The following ANKRD13C variants were observed in gnomAD, a reference collection of about 807,000 sequenced individuals.
ANKRD13C encodes ankyrin repeat domain 13C.
Under a neutral mutation model 65.5 loss-of-function variants are expected in ANKRD13C, and 16 were observed. That is an observed-to-expected ratio of 0.24 (90% confidence interval 0.17 to 0.37). ANKRD13C has a LOEUF of 0.37. Ranked by LOEUF, ANKRD13C falls within the 10% of genes least tolerant of loss-of-function variation. The pLI, the probability that ANKRD13C is intolerant of heterozygous loss-of-function variation, is 1.00. For synonymous variants in ANKRD13C, 235 were observed against 238.7 expected, an observed-to-expected ratio of 0.98 and a Z score of 0.14; for missense variants, 503 against 655.9, an observed-to-expected ratio of 0.77 and a Z score of 2.55.
At chr1:70,268,756 G>A (rs1005419897) in intron 12 of ANKRD13C, among the ~76,000 whole-genome samples, 1 of 152,148 alleles carries the variant, frequency 6.6e-6, no homozygotes, top group Non-Finnish European at 1.5e-5. Context: ...TTTAGTCTTT[G>A]AGCAAAATGA....
intron 1 of ANKRD13C, among the ~76,000 whole-genome samples, chr1:70,351,318 T>C (rs1213678089): frequency 1.3e-5 from 2 of 152,258 alleles, no homozygotes; most frequent in African/African-American, 4.8e-5. Context: ...GGCTCTGCTA[T>C]GTACCTGTAT....
chr1:70,287,387 C>CA (rs145676593), intron 9 of ANKRD13C, among the ~76,000 whole-genome samples: 31,512 of 147,542 alleles, frequency 0.21, 3,408 homozygotes, highest in Non-Finnish European at 0.25. Context: ...GCATCCAAGG[C>CA]AAAAAAAAAA....
intron 7 of ANKRD13C, among the ~76,000 whole-genome samples, chr1:70,299,968 G>T (rs1680274343): frequency 6.6e-6 from 1 of 152,138 alleles, no homozygotes; most frequent in African/African-American, 2.4e-5. Flanking sequence ...CAAAGATATG[G>T]CATGAGAGAA....
At chr1:70,343,076 C>A (rs1682383153) in intron 1 of ANKRD13C, among the ~76,000 whole-genome samples, 1 of 152,078 alleles carries the variant, frequency 6.6e-6, no homozygotes, top group African/African-American at 2.4e-5. Flanking sequence ...ATGAAACCTT[C>A]CATTACAAGT....
chr1:70,343,759 A>G (rs1682410735), intron 1 of ANKRD13C, among the ~76,000 whole-genome samples: 1 of 152,136 alleles, frequency 6.6e-6, no homozygotes, highest in African/African-American at 2.4e-5. Context: ...GCAGGTCTCA[A>G]ATTCCTAGCC....
intron 5 of ANKRD13C, among the ~76,000 whole-genome samples, chr1:70,306,679 T>G (rs917658777): frequency 6.6e-6 from 1 of 152,108 alleles, no homozygotes; most frequent in Non-Finnish European, 1.5e-5. Context: ...TTTGGAAAAA[T>G]TGCAGTAAAG....
At chr1:70,265,198 T>C (rs890195224) in intron 12 of ANKRD13C, among the ~76,000 whole-genome samples, 2 of 152,056 alleles carry the variant, frequency 1.3e-5, no homozygotes, top group Non-Finnish European at 2.9e-5. Context: ...TTTTGGCAGA[T>C]GTAGTGAGAA....
rs759067335 is a variant in ANKRD13C at position 70,306,194 on chromosome 1, T to C, written c.776+30A>G. On this transcript the variant is annotated intron_variant, in intron 6 of 12. Coordinates refer to ENST00000370944, the MANE Select transcript of ANKRD13C (RefSeq NM_030816.5). ...ATCTTCCTCTAAATCTCAACTTTCT[T>C]TTACTGAGAAAAAAATCAAATCACC... is the stretch of plus-strand genomic sequence containing the variant. The C allele has an allele frequency of 1.3e-5, 19 of 1,481,730 alleles. No homozygotes were observed. The South Asian group carries it at 2.4e-4, about 19-fold the overall frequency. The allele number at this position is 1,481,730 out of a possible 1,614,324, so 91.8% of individuals were successfully genotyped here. A position where few individuals can be genotyped will look rare whatever the true frequency, so the allele number is the denominator to read the frequency against.
At chr1:70,309,723 A>T (rs1342968651) in intron 5 of ANKRD13C, among the ~76,000 whole-genome samples, 2 of 143,128 alleles carry the variant, frequency 1.4e-5, no homozygotes, top group African/African-American at 2.5e-5. Flanking sequence ...CGCAAAAAAA[A>T]AAAAAAAAAA....
intron 1 of ANKRD13C, among the ~76,000 whole-genome samples, chr1:70,336,953 A>G (rs1682068672): frequency 6.6e-6 from 1 of 152,200 alleles, no homozygotes; most frequent in South Asian, 2.1e-4. Context: ...ACCAACAGTA[A>G]TATTTGAAAT....
intron 6 of ANKRD13C, among the ~76,000 whole-genome samples, chr1:70,304,675 A>G (rs1239963814): frequency 6.6e-6 from 1 of 152,192 alleles, no homozygotes; most frequent in East Asian, 1.9e-4. Flanking sequence ...CTGGGATTAC[A>G]GGCATGAGTC....
rs745401277 is a variant in ANKRD13C at position 70,276,849 on chromosome 1, CAA to C, written c.1216-7_1216-6del. The stretch of plus-strand genomic sequence containing the variant: ...AAGAGACTGTCTTCGAATCGGCTGC[CAA>C]AAAAAAAAAAGAAAGAAAGTGGGGT... On this transcript the variant is annotated splice_polypyrimidine_tract_variant and splice_region_variant and intron_variant, in intron 9 of 12. Coordinates refer to ENST00000370944, the MANE Select transcript of ANKRD13C (RefSeq NM_030816.5). 8.9e-4 allele frequency: 1,101 copies of C among 1,239,914 alleles called. No homozygotes were observed. Among genetic ancestry groups the C allele is most frequent in the South Asian group, 2.2e-3 (145 of 65,938 alleles). The allele number at this position is 1,239,914 out of a possible 1,614,324, so 76.8% of individuals were successfully genotyped here.
chr1:70,288,838 C>G (rs1679736260), intron 9 of ANKRD13C, among the ~76,000 whole-genome samples: 1 of 152,134 alleles, frequency 6.6e-6, no homozygotes, highest in Non-Finnish European at 1.5e-5. Context: ...TGCCAATATC[C>G]TCGCCATGAT....
At chr1:70,341,290 A>G (rs1025702424) in intron 1 of ANKRD13C, among the ~76,000 whole-genome samples, 1 of 151,730 alleles carries the variant, frequency 6.6e-6, no homozygotes, top group Non-Finnish European at 1.5e-5. Context: ...TTGTCTTTTT[A>G]ACTGAAGCAT....
At chr1:70,318,090 T>C (rs959194296) in intron 3 of ANKRD13C, among the ~76,000 whole-genome samples, 13 of 152,190 alleles carry the variant, frequency 8.5e-5, no homozygotes, top group Admixed American at 4.6e-4. Context: ...TGACTTCATA[T>C]TGAAAAATAC....
chr1:70,351,831 T>C (rs1232006370), intron 1 of ANKRD13C, among the ~76,000 whole-genome samples: 1 of 151,968 alleles, frequency 6.6e-6, no homozygotes, highest in African/African-American at 2.4e-5. Flanking sequence ...ATCAGAAAAA[T>C]CTATGAGGCT....
rs187690969 is a variant in ANKRD13C at position 70,286,811 on chromosome 1, C to T, written c.1215+5577G>A. Reference sequence around the variant, plus strand: ...GACCAGCCTGGCCAACATGGCGAAACCCTGTCTCCACTAAAAATACAAAAA... The same window carrying T: ...GACCAGCCTGGCCAACATGGCGAAATCCTGTCTCCACTAAAAATACAAAAA... On this transcript the variant is annotated intron_variant, in intron 9 of 12. Coordinates refer to ENST00000370944, the MANE Select transcript of ANKRD13C (RefSeq NM_030816.5). Among the ~76,000 whole-genome samples the T allele has an allele frequency of 3.7e-3, 560 of 152,172 alleles. 4 individuals carry two copies. The highest frequency in any genetic ancestry group is 0.012 in the African/African-American group (514 of 41,514).
At chr1:70,328,061 AAAAC>A (rs1419614056) in intron 2 of ANKRD13C, among the ~76,000 whole-genome samples, 6 of 152,190 alleles carry the variant, frequency 3.9e-5, no homozygotes, top group African/African-American at 4.8e-5. Flanking sequence ...ACAAACAAAT[AAAAC>A]AAACAAATAA....
At position 70,285,236 on chromosome 1, in the gene ANKRD13C, A is replaced by G. The variant is rs1036543545; in HGVS notation, c.1215+7152T>C. On this transcript the variant is annotated intron_variant, in intron 9 of 12. Coordinates refer to ENST00000370944, the MANE Select transcript of ANKRD13C (RefSeq NM_030816.5). ...GAGATGGAGTCTCACTCTGTTGCCC[A>G]GGCTGGAGTGCAGTAGCATGATCTC... Among the ~76,000 whole-genome samples the G allele has an allele frequency of 2.2e-4, 27 of 123,310 alleles. No individual in the cohort carries two copies. The Admixed American group carries it at 3.0e-3, about 14-fold the overall frequency. The allele number at this position is 123,310 out of a possible 152,430, so 80.9% of individuals were successfully genotyped here.
Sources: allele counts gnomAD v4.1 joint callset (sites outside exome capture counted in the v4.1 genomes callset), GRCh38; gene constraint gnomAD v4.1.1; transcripts MANE v1.5; gene names NCBI Gene and HGNC (gene_info 2026-07-23, HGNC 2026-07-21).